The following SLC2A4 variants were observed in gnomAD, a reference collection of about 807,000 sequenced individuals.
The protein encoded by SLC2A4 is solute carrier family 2 member 4, also known as solute carrier family 2, facilitated glucose transporter member 4.
A neutral mutation model predicts 53.3 loss-of-function variants in SLC2A4; 31 were observed. That is an observed-to-expected ratio of 0.58 (90% CI 0.44 to 0.78). The LOEUF (loss-of-function observed/expected upper bound fraction) is 0.78. Among genes scored for constraint, SLC2A4 ranks in the 30% least tolerant of loss-of-function variants. SLC2A4 has a pLI of 0.00. For synonymous variants in SLC2A4, 276 were observed against 281.9 expected, an observed-to-expected ratio of 0.98 and a Z score of 0.21; for missense variants, 538 against 655.7, an observed-to-expected ratio of 0.82 and a Z score of 1.96.
rs537695175 is a variant in SLC2A4 at position 7,285,991 on chromosome 17, A to T, written c.1326+83A>T. Reference sequence around the variant, plus strand: ...TAGCCCACCTGCTTCCCCGTCAGGGACTCCTCCAGCCACAGACCATGGGTC... The same window carrying T: ...TAGCCCACCTGCTTCCCCGTCAGGGTCTCCTCCAGCCACAGACCATGGGTC... On this transcript the variant is annotated intron_variant, in intron 10 of 10. Transcript: ENST00000317370. The surrounding 1 kb of genome is among the most constrained non-coding windows in gnomAD (Gnocchi z 6.0). 1.8e-5 allele frequency: 23 copies of T among 1,304,844 alleles called. No individual in the cohort carries two copies. In the East Asian group the frequency reaches 4.1e-4, roughly 23 times the overall value. 80.8% of individuals were successfully genotyped at this position (1,304,844 alleles called of 1,614,324 possible).
Position 7,283,428 on chromosome 17 carries a change from G to C in SLC2A4, c.151-45G>C. 1 of 1,612,794 alleles carries C rather than the reference G, an allele frequency of 6.2e-7. No individual in the cohort carries two copies. Among genetic ancestry groups the C allele is most frequent in the Non-Finnish European group, 8.5e-7 (1 of 1,179,378 alleles). On this transcript the variant is annotated intron_variant, in intron 2 of 10. Coordinates refer to ENST00000317370, the MANE Select transcript of SLC2A4 (RefSeq NM_001042.3). The surrounding 1 kb of genome is among the most constrained non-coding windows in gnomAD (Gnocchi z 5.8). ...GAGGACAGGTGTCTCGGGGGTGGTG[G>C]AAAGGGGACGGTCTGCAGGAAATCT... is the stretch of plus-strand genomic sequence containing the variant.
rs541494158 is a variant in SLC2A4 at position 7,284,849 on chromosome 17, G to A, written c.930G>A (p.Ser310=). Residue 310 remains serine, a synonymous_variant, in exon 8 of 11, where the codon TCG becomes TCA. Transcript: ENST00000317370. The surrounding 1 kb of genome is among the most constrained non-coding windows in gnomAD (Gnocchi z 7.5). ...LSGINAVFYY[S]TSIFETAGVG... ...CCCACCTCTAGGTTTTCTATTATTC[G>A]ACCAGCATCTTCGAGACAGCAGGGG... The A allele has an allele frequency of 3.7e-5, 59 of 1,613,978 alleles. No homozygotes were observed. Among genetic ancestry groups the A allele is most frequent in the South Asian group, 2.3e-4 (21 of 91,036 alleles).
rs991276496 is a variant in SLC2A4, at chr17:7,283,418, G to A, written c.151-55G>A. 44 of 1,611,818 alleles carry A rather than the reference G, an allele frequency of 2.7e-5. No individual in the cohort carries two copies. The highest frequency in any genetic ancestry group is 4.0e-5 in the African/African-American group (3 of 74,812). On this transcript the variant is annotated intron_variant, in intron 2 of 10. Coordinates refer to ENST00000317370, the MANE Select transcript of SLC2A4 (RefSeq NM_001042.3). This position sits in a 1 kb window ranked among gnomAD's most constrained non-coding sequence, Gnocchi z 5.8. ...CCCAAACGAGGAGGACAGGTGTCTC[G>A]GGGGTGGTGGAAAGGGGACGGTCTG... is the stretch of plus-strand genomic sequence containing the variant.
At position 7,284,057 on chromosome 17, in the gene SLC2A4, C is replaced by T; in HGVS notation, c.532C>T (p.Leu178=). 6.2e-7 allele frequency: 1 copy of T among 1,614,024 alleles called. No homozygotes were observed. Among genetic ancestry groups the T allele is most frequent in the Non-Finnish European group, 8.5e-7 (1 of 1,179,952 alleles). Residue 178 remains leucine (L), a synonymous_variant, in exon 5 of 11, where the codon CTG becomes TTG. Coordinates refer to ENST00000317370, the MANE Select transcript of SLC2A4 (RefSeq NM_001042.3). The surrounding 1 kb of genome is among the most constrained non-coding windows in gnomAD (Gnocchi z 7.5). ...GGGCGCCCTGGGGACGCTCAACCAA[C>T]TGGCCATTGTTATCGGCATTCTGAT... ...LRGALGTLNQ[L]AIVIGILIAQ... is the part of the protein sequence containing the mutation.
chr17:7,286,072 T>G (rs1340622010), intron 10 of SLC2A4, 164 bp downstream of exon 10: 21 of 658,074 alleles, frequency 3.2e-5, no homozygotes, highest in Non-Finnish European at 5.0e-5. Context: ...GGAAGGGAGC[T>G]GACCTAGATT....
In SLC2A4 at chr17:7,283,563, T is replaced by G; in HGVS notation, c.241T>G (p.Trp81Gly). 6.2e-7 allele frequency: 1 copy of G among 1,614,084 alleles called. No homozygotes were observed. The highest frequency in any genetic ancestry group is 1.7e-5 in the Admixed American group (1 of 60,018). ...CCCTCCAGGCACCCTCACCACCCTC[T>G]GGGCCCTCTCCGTGGCCATCTTTTC... ...SIPPGTLTTLWALSVAIFSVG... is the reference protein window; with the variant it reads ...SIPPGTLTTLGALSVAIFSVG... Residue 81 changes from tryptophan (W) to glycine (G), a missense_variant, in exon 3 of 11, where the codon TGG (tryptophan) becomes GGG (glycine). Coordinates refer to ENST00000317370, the MANE Select transcript of SLC2A4 (RefSeq NM_001042.3). The surrounding 1 kb of genome is among the most constrained non-coding windows in gnomAD (Gnocchi z 5.8).
At position 7,283,838 on chromosome 17, in the gene SLC2A4, C is replaced by T. The variant is rs761947148; in HGVS notation, c.424C>T (p.Arg142Ter). Residue 142 changes from arginine (R) to a stop codon, truncating the protein, a stop_gained, in exon 4 of 11, where the codon CGA (arginine) becomes TGA (stop). Coordinates refer to ENST00000317370, the MANE Select transcript of SLC2A4 (RefSeq NM_001042.3). LOFTEE classifies it high-confidence loss of function. This position sits in a 1 kb window ranked among gnomAD's most constrained non-coding sequence, Gnocchi z 5.8. Reference sequence around the variant, plus strand: ...CTCCTATGAAATGCTCATCCTTGGACGATTCCTCATTGGCGCCTACTCAGG... The same window carrying T: ...CTCCTATGAAATGCTCATCCTTGGATGATTCCTCATTGGCGCCTACTCAGG... ...AASYEMLILG[R>*]FLIGAYSGLT... 5.0e-6 allele frequency: 8 copies of T among 1,614,146 alleles called. No individual in the cohort carries two copies. Among genetic ancestry groups the T allele is most frequent in the South Asian group, 2.2e-5 (2 of 91,080 alleles).
In SLC2A4 at chr17:7,284,416, C is replaced by T. The variant is rs571071894; in HGVS notation, c.727+37C>T. 1.2e-6 allele frequency: 2 copies of T among 1,614,076 alleles called. No individual in the cohort carries two copies. The highest frequency in any genetic ancestry group is 1.3e-5 in the African/African-American group (1 of 75,076). On this transcript the variant is annotated intron_variant, in intron 6 of 10. Coordinates refer to ENST00000317370, the MANE Select transcript of SLC2A4 (RefSeq NM_001042.3). The surrounding 1 kb of genome is among the most constrained non-coding windows in gnomAD (Gnocchi z 7.5). The stretch of plus-strand genomic sequence containing the variant: ...CGCTGCAGCCTGGCCCAGGCCCATG[C>T]CTCCGCCTCATCTTGCTAGCACCTG...
chr17:7,286,305 AG>A, intron 10 of SLC2A4, 120 bp from the exon 11 acceptor site: 3 of 807,434 alleles, frequency 3.7e-6, no homozygotes, highest in Non-Finnish European at 6.6e-6. Context: ...TCCCTGGAGG[AG>A]GCAGCTGCTG....
In SLC2A4 at chr17:7,285,616, G is replaced by T; in HGVS notation, c.1123-89G>T. The stretch of plus-strand genomic sequence containing the variant: ...AGGCCCCCTACAAGCTGCTGCGGAG[G>T]GGGTTAGGTTTCACTTCTCTGAGTT... On this transcript the variant is annotated intron_variant, in intron 9 of 10. Transcript: ENST00000317370. This position sits in a 1 kb window ranked among gnomAD's most constrained non-coding sequence, Gnocchi z 6.0. The T allele has an allele frequency of 7.8e-7, 1 of 1,277,936 alleles. No homozygotes were observed. Among genetic ancestry groups the T allele is most frequent in the South Asian group, 1.2e-5 (1 of 81,684 alleles). The allele number at this position is 1,277,936 out of a possible 1,614,324, so 79.2% of individuals were successfully genotyped here. A position where few individuals can be genotyped will look rare whatever the true frequency, so the allele number is the denominator to read the frequency against.
Position 7,282,859 on chromosome 17 carries a change from A to AG in SLC2A4, c.34-384dup. ...TGATTTTCACAACACTCTCACAGAT[A>AG]GGTAGGCAAGGCAGGCAACATCACC... On this transcript the variant is annotated intron_variant, in intron 1 of 10. Transcript: ENST00000317370. This position sits in a 1 kb window ranked among gnomAD's most constrained non-coding sequence, Gnocchi z 4.1. 1 of 361,716 alleles carries AG rather than the reference A, an allele frequency of 2.8e-6. No individual in the cohort carries two copies. 22.4% of individuals were successfully genotyped at this position (361,716 alleles called of 1,614,324 possible).
At position 7,285,801 on chromosome 17, in the gene SLC2A4, G is replaced by A. The variant is rs375714683; in HGVS notation, c.1219G>A (p.Val407Met). The part of the protein sequence containing the change: ...IGPGPIPWFI[V>M]AELFSQGPRP... ...CCCTGGCCCCATTCCTTGGTTCATC[G>A]TGGCCGAGCTCTTCAGCCAGGGACC... Residue 407 changes from valine to methionine, a missense_variant, in exon 10 of 11, where the codon GTG becomes ATG. By Grantham distance (21) the Val-to-Met change is conservative. Transcript: ENST00000317370. The surrounding 1 kb of genome is among the most constrained non-coding windows in gnomAD (Gnocchi z 6.0). 1.9e-6 allele frequency: 3 copies of A among 1,614,054 alleles called. No individual in the cohort carries two copies. The highest frequency in any genetic ancestry group is 2.2e-5 in the East Asian group (1 of 44,894).
At position 7,283,538 on chromosome 17, in the gene SLC2A4, C is replaced by A; in HGVS notation, c.216C>A (p.Ile72=). 1.2e-6 allele frequency: 2 copies of A among 1,614,018 alleles called. No homozygotes were observed. Among genetic ancestry groups the A allele is most frequent in the Non-Finnish European group, 8.5e-7 (1 of 1,179,986 alleles). Reference sequence around the variant, plus strand: ...AGGGGCCTGAGGGACCCAGCTCCATCCCTCCAGGCACCCTCACCACCCTCT... The same window carrying A: ...AGGGGCCTGAGGGACCCAGCTCCATACCTCCAGGCACCCTCACCACCCTCT... ...GRQGPEGPSS[I]PPGTLTTLWA... is the part of the protein sequence containing the mutation. The change falls in exon 3 of 11, where the codon ATC becomes ATA. Residue 72 remains isoleucine (I), a synonymous_variant. Transcript: ENST00000317370. This position sits in a 1 kb window ranked among gnomAD's most constrained non-coding sequence, Gnocchi z 5.8.
Position 7,281,801 on chromosome 17 carries a change from C to T in SLC2A4, c.-134C>T, listed in dbSNP as rs2072403802. On this transcript the variant is annotated 5_prime_UTR_variant, in exon 1 of 11. Transcript: ENST00000317370. ...CTTGGCTTGTGGCTGTGGGTCCCAT[C>T]GGGCCCGCCCTCGCACGTCACTCCG... is the stretch of plus-strand genomic sequence containing the variant. 3.4e-6 allele frequency: 3 copies of T among 891,310 alleles called. No homozygotes were observed. The highest frequency in any genetic ancestry group is 5.5e-6 in the Non-Finnish European group (3 of 548,136). 55.2% of individuals were successfully genotyped at this position (891,310 alleles called of 1,614,324 possible).
rs548374375 is a variant in SLC2A4 at position 7,282,749 on chromosome 17, G to A, written c.34-496G>A. ...TGGCTGACAGAACCCCCAGAGGGGAGGGAAGAGGACAGTGGCTGATGATAA... is the reference window on the plus strand; with the variant it reads ...TGGCTGACAGAACCCCCAGAGGGGAAGGAAGAGGACAGTGGCTGATGATAA... On this transcript the variant is annotated intron_variant, in intron 1 of 10. Coordinates refer to ENST00000317370, the MANE Select transcript of SLC2A4 (RefSeq NM_001042.3). The surrounding 1 kb of genome is among the most constrained non-coding windows in gnomAD (Gnocchi z 4.1). 2.0e-5 allele frequency among the ~76,000 whole-genome samples: 3 copies of A among 152,388 alleles called. No individual in the cohort carries two copies. Among genetic ancestry groups the A allele is most frequent in the Admixed American group, 6.5e-5 (1 of 15,310 alleles).
chr17:7,284,602 G>C lies in SLC2A4; in HGVS notation c.845G>C (p.Arg282Pro). The C allele has an allele frequency of 1.2e-6, 2 of 1,614,140 alleles. No individual in the cohort carries two copies. ...PLSLLQLLGS[R>P]THRQPLIIAV... ...TCCCTGCTCCAGCTCCTGGGCAGCC[G>C]TACCCACCGGCAGCCCCTGATCATT... Residue 282 changes from arginine to proline, a missense_variant, in exon 7 of 11, where the codon CGT becomes CCT. Arg to Pro is a moderately radical substitution (Grantham distance 103, BLOSUM62 -2). Transcript: ENST00000317370. This position sits in a 1 kb window ranked among gnomAD's most constrained non-coding sequence, Gnocchi z 7.5.
At chr17:7,286,062 G>A in intron 10 of SLC2A4, 154 bp downstream of exon 10, 1 of 693,742 alleles carries the variant, frequency 1.4e-6, no homozygotes, top group Non-Finnish European at 2.4e-6. Context: ...ATCAAAGCAA[G>A]GAAGGGAGCT....
chr17:7,283,770 C>A lies in SLC2A4; in HGVS notation c.356C>A (p.Ala119Glu). ...KRAMLVNNVLAVLGGSLMGLA... is the reference protein window; with the variant it reads ...KRAMLVNNVLEVLGGSLMGLA... ...GCCATGCTGGTCAACAATGTCCTGG[C>A]GGTGCTGGGGGGCAGCCTCATGGGC... The change falls in exon 4 of 11, where the codon GCG (alanine) becomes GAG (glutamate). Residue 119 changes from alanine to glutamate, a missense_variant. Physicochemically the swap from Ala to Glu is moderately radical, Grantham distance 107. Transcript: ENST00000317370. The surrounding 1 kb of genome is among the most constrained non-coding windows in gnomAD (Gnocchi z 5.8). 6.2e-7 allele frequency: 1 copy of A among 1,614,018 alleles called. No individual in the cohort carries two copies. The highest frequency in any genetic ancestry group is 1.1e-5 in the South Asian group (1 of 91,082).
Position 7,283,383 on chromosome 17 carries a change from G to C in SLC2A4, c.150+22G>C. The C allele has an allele frequency of 6.2e-7, 1 of 1,612,402 alleles. No homozygotes were observed. Among genetic ancestry groups the C allele is most frequent in the Non-Finnish European group, 8.5e-7 (1 of 1,178,676 alleles). ...GAAGGTGAGGGCCTGCAGCTGGCAG[G>C]GTGGGGGTACCCAAACGAGGAGGAC... On this transcript the variant is annotated intron_variant, in intron 2 of 10. Coordinates refer to ENST00000317370, the MANE Select transcript of SLC2A4 (RefSeq NM_001042.3). The surrounding 1 kb of genome is among the most constrained non-coding windows in gnomAD (Gnocchi z 5.8).
Sources: allele counts gnomAD v4.1 joint callset (sites outside exome capture counted in the v4.1 genomes callset), GRCh38; gene constraint gnomAD v4.1.1; non-coding constraint Gnocchi (gnomAD v3.1); transcripts MANE v1.5; gene names NCBI Gene and HGNC (gene_info 2026-07-23, HGNC 2026-07-21).